Variants in NPAS1 observed in about 807,000 individuals in gnomAD.
NPAS1 encodes the protein neuronal PAS domain-containing protein 1.
In NPAS1, 29 loss-of-function variants were observed where a neutral mutation model predicts 49.2. The ratio of observed to expected loss-of-function variants is 0.59; its 90% CI spans 0.44 to 0.80. NPAS1 has a LOEUF of 0.80. Ranked by LOEUF, NPAS1 falls within the 30% of genes least tolerant of loss-of-function variation. The pLI is 0.00. For missense variants in NPAS1, 825 were observed against 835.5 expected (o/e 0.99, Z 0.15); for synonymous variants, 408 against 380.4 (o/e 1.07, Z -0.84).
intron 8 of NPAS1, 99 bp downstream of exon 8, chr19:47,039,663 C>A: frequency 7.7e-7 from 1 of 1,305,468 alleles, no homozygotes; most frequent in Non-Finnish European, 1.0e-6. Context: ...CAGGATAGGG[C>A]ACTGGGGAGC....
At chr19:47,033,620 C>T (rs2122493203) in intron 5 of NPAS1, among the ~76,000 whole-genome samples, 1 of 152,222 alleles carries the variant, frequency 6.6e-6, no homozygotes, top group South Asian at 2.1e-4. Flanking sequence ...ACTGGCGGGC[C>T]AGATGCACCA....
chr19:47,039,525 G>A lies in NPAS1; in HGVS notation c.923G>A (p.Arg308His), dbSNP rs201519697. The part of the protein sequence containing the change: ...LPLHGHMIVF[R>H]LSLGLTILAC... Reference sequence around the variant, plus strand: ...CTCCATGGACACATGATCGTCTTCCGTCTCAGCCTGGGTCTCACCATCCTT... The same window carrying A: ...CTCCATGGACACATGATCGTCTTCCATCTCAGCCTGGGTCTCACCATCCTT... The change falls in exon 8 of 12, where the codon CGT becomes CAT. Residue 308 changes from arginine (R) to histidine (H), a missense_variant. Transcript: ENST00000602212. The A allele has an allele frequency of 6.8e-4, 1,086 of 1,604,500 alleles. No individual in the cohort carries two copies. Among genetic ancestry groups the A allele is most frequent in the Non-Finnish European group, 8.3e-4 (976 of 1,174,186 alleles).
intron 11 of NPAS1, 115 bp from the exon 12 acceptor site, chr19:47,045,076 A>C (rs2057061393): frequency 6.3e-6 from 6 of 959,576 alleles, no homozygotes; most frequent in East Asian, 2.7e-5. Context: ...AAAAAAAAAA[A>C]CCCCACTCCC....
At chr19:47,043,044 C>A in intron 11 of NPAS1, 140 bp downstream of exon 11, 1 of 566,326 alleles carries the variant, frequency 1.8e-6, no homozygotes, top group Non-Finnish European at 2.8e-6. Flanking sequence ...CGGTGGCTCA[C>A]GCCTGTAATC....
chr19:47,030,297 C>T (rs571374425), intron 3 of NPAS1, among the ~76,000 whole-genome samples: 1 of 152,274 alleles, frequency 6.6e-6, no homozygotes, highest in Non-Finnish European at 1.5e-5. Context: ...GCTGGGATTA[C>T]AGGCATGAGC....
At chr19:47,036,176 G>C in intron 6 of NPAS1, 47 bp downstream of exon 6, 2 of 1,531,256 alleles carry the variant, frequency 1.3e-6, no homozygotes, top group Non-Finnish European at 1.8e-6. Context: ...GTAGATCGGG[G>C]GACGCCCGCT....
intron 3 of NPAS1, among the ~76,000 whole-genome samples, chr19:47,031,316 G>A (rs117698874): frequency 0.094 from 14,099 of 150,210 alleles, 896 homozygotes; most frequent in Middle Eastern, 0.19. Flanking sequence ...CTCCTACCTA[G>A]CCTCCTAAAT....
intron 10 of NPAS1, among the ~76,000 whole-genome samples, chr19:47,042,377 C>A (rs560558124): frequency 1.1e-3 from 162 of 152,266 alleles, no homozygotes; most frequent in African/African-American, 3.7e-3. Context: ...ACAAGATGGG[C>A]GCTGGAGGAC....
intron 6 of NPAS1, among the ~76,000 whole-genome samples, chr19:47,038,515 CAA>C (rs397859991): frequency 5.5e-4 from 33 of 60,270 alleles, no homozygotes; most frequent in Admixed American, 9.2e-4. Context: ...GACTCCAGCT[CAA>C]AAAAAAAAAA....
chr19:47,039,660 G>T, intron 8 of NPAS1, 96 bp downstream of exon 8: 2 of 1,331,504 alleles, frequency 1.5e-6, no homozygotes, highest in Non-Finnish European at 2.0e-6. Context: ...CTGCAGGATA[G>T]GGCACTGGGG....
chr19:47,031,733 A>C (rs1048810583), intron 3 of NPAS1, among the ~76,000 whole-genome samples: 7 of 143,620 alleles, frequency 4.9e-5, no homozygotes, highest in Non-Finnish European at 1.1e-4. Flanking sequence ...GATCCAACAT[A>C]TTGGCCAGGC....
chr19:47,021,859 T>C lies in NPAS1; in HGVS notation c.358+12T>C, dbSNP rs1321690621. 40 of 1,437,244 alleles carry C rather than the reference T, an allele frequency of 2.8e-5. No individual in the cohort carries two copies. The highest frequency in any genetic ancestry group is 3.5e-5 in the Non-Finnish European group (38 of 1,098,824). 89.0% of individuals were successfully genotyped at this position (1,437,244 alleles called of 1,614,324 possible). On this transcript the variant is annotated intron_variant, in intron 3 of 11. Transcript: ENST00000602212. This position sits in a 1 kb window ranked among gnomAD's most constrained non-coding sequence, Gnocchi z 5.7. ...GCCAGCTGGCCTCGGTGAGTGCTCA[T>C]GCGCGGGGCGAGGGTCCCGGGGCCC...
At chr19:47,029,934 A>G (rs191470896) in intron 3 of NPAS1, among the ~76,000 whole-genome samples, 230 of 152,350 alleles carry the variant, frequency 1.5e-3, no homozygotes, top group Non-Finnish European at 2.4e-3. Flanking sequence ...ACAATTTTAC[A>G]TTCCCACCAG....
chr19:47,031,837 T>G (rs1406562423), intron 3 of NPAS1, among the ~76,000 whole-genome samples: 1 of 152,006 alleles, frequency 6.6e-6, no homozygotes, highest in Non-Finnish European at 1.5e-5. Context: ...CCTGTTGGTT[T>G]CTTATTTATT....
At chr19:47,044,486 G>A (rs1439137777) in intron 11 of NPAS1, among the ~76,000 whole-genome samples, 1 of 152,240 alleles carries the variant, frequency 6.6e-6, no homozygotes, top group Non-Finnish European at 1.5e-5. Context: ...CAGTGTGGAT[G>A]TAGAACATTT....
rs2056880154 is a variant in NPAS1 at position 47,027,474 on chromosome 19, G to C, written c.359-4804G>C. 1.9e-5 allele frequency among the ~76,000 whole-genome samples: 2 copies of C among 106,684 alleles called. 1 individual carries two copies. Among genetic ancestry groups the C allele is most frequent in the Non-Finnish European group, 3.8e-5 (2 of 52,296 alleles). The allele number at this position is 106,684 out of a possible 152,430, so 70.0% of individuals were successfully genotyped here. A position where few individuals can be genotyped will look rare whatever the true frequency, so the allele number is the denominator to read the frequency against. ...TCTGCCCCTGGTCTCCCGTCTCTCT[G>C]CCCCTGGTCTCCCGTCTCTCTGCCC... On this transcript the variant is annotated intron_variant, in intron 3 of 11. Transcript: ENST00000602212.
chr19:47,045,429 G>C lies in NPAS1; in HGVS notation c.1551G>C (p.Gly517=). The stretch of plus-strand genomic sequence containing the variant: ...GGCCATGGGGCCTGGCGCCTCCCGG[G>C]GACCCCCCGCCCACCCTCCTGCACG... ...PVRPWGLAPP[G]DPPPTLLHAG... Residue 517 remains glycine (G), a synonymous_variant, in exon 12 of 12, where the codon GGG becomes GGC. Transcript: ENST00000602212. 1 of 1,605,356 alleles carries C rather than the reference G, an allele frequency of 6.2e-7. No individual in the cohort carries two copies. Among genetic ancestry groups the C allele is most frequent in the Non-Finnish European group, 8.5e-7 (1 of 1,176,736 alleles).
In NPAS1 at chr19:47,025,741, A is replaced by G. The variant is rs1203568361; in HGVS notation, c.358+3894A>G. On this transcript the variant is annotated intron_variant, in intron 3 of 11. Transcript: ENST00000602212. The stretch of plus-strand genomic sequence containing the variant: ...CAGGCACACGCCACCACGCCTAGCT[A>G]CTTTTTGCATTTTTTAAGAGACGAG... 4.0e-5 allele frequency among the ~76,000 whole-genome samples: 6 copies of G among 151,786 alleles called. No individual in the cohort carries two copies. In the East Asian group the frequency reaches 1.2e-3, roughly 30 times the overall value.
At chr19:47,038,319 C>T (rs1253437955) in intron 6 of NPAS1, among the ~76,000 whole-genome samples, 1 of 152,136 alleles carries the variant, frequency 6.6e-6, no homozygotes, top group Non-Finnish European at 1.5e-5. Context: ...GAGATTGAGA[C>T]CATCCTGGCC....
Sources: gnomAD v4.1 joint callset for allele counts (sites outside exome capture counted in the v4.1 genomes callset) on GRCh38, gnomAD v4.1.1 for gene constraint, Gnocchi (gnomAD v3.1) non-coding constraint, MANE v1.5 for transcripts, NCBI Gene and HGNC (gene_info 2026-07-23, HGNC 2026-07-21) for gene names.